Variants in TM2D3 observed in about 807,000 individuals in gnomAD.
TM2D3 encodes TM2 domain-containing protein 3.
Under a neutral mutation model 27.3 loss-of-function variants are expected in TM2D3, and 33 were observed. The observed-to-expected ratio is 1.21, with a 90% CI of 0.92 to 1.61. The LOEUF (loss-of-function observed/expected upper bound fraction) is 1.61, where lower values mean the gene tolerates loss of function less well. TM2D3 is among the 40% of genes most tolerant of loss of function. The pLI, the probability that TM2D3 is intolerant of heterozygous loss-of-function variation, is 0.00. For synonymous variants in TM2D3, 138 were observed against 122.2 expected (o/e 1.13, Z -0.85); for missense variants, 364 against 320.8 (o/e 1.13, Z -1.03).
chr15:101,643,676 T>C (rs1253427804), intron 5 of TM2D3, among the ~76,000 whole-genome samples: 1 of 136,606 alleles, frequency 7.3e-6, no homozygotes, highest in Non-Finnish European at 1.5e-5. Flanking sequence ...TTGTTGAAAG[T>C]ATGTTACAGT....
downstream of TM2D3, among the ~76,000 whole-genome samples, chr15:101,641,303 T>C (rs1484123763): frequency 3.8e-5 from 5 of 131,062 alleles, no homozygotes; most frequent in Admixed American, 1.5e-4. Context: ...AGTTTTTTTT[T>C]CTGTTTCTGG....
intron 3 of TM2D3, among the ~76,000 whole-genome samples, chr15:101,647,223 G>A (rs1016617072): frequency 2.6e-5 from 4 of 152,068 alleles, no homozygotes; most frequent in East Asian, 1.9e-4. Context: ...CATAGTAAAC[G>A]TATACTTTTA....
chr15:101,642,911 C>T (rs1207271854), intron 5 of TM2D3, among the ~76,000 whole-genome samples: 2 of 152,088 alleles, frequency 1.3e-5, no homozygotes, highest in South Asian at 2.1e-4. Flanking sequence ...AATCTCATTG[C>T]TTTTTAGTCA....
chr15:101,646,856 G>C lies in TM2D3; in HGVS notation c.371C>G (p.Thr124Ser), dbSNP rs746693865. ...KSQKNFIINM[T>S]CRFCWQLPET... ...AGGAAGCTGCCAGCAAAATCTGCAA[G>C]TCATGTTAATGATGAAGTTCTTTTG... Residue 124 changes from threonine (T) to serine (S), a missense_variant, in exon 4 of 6, where the codon ACT (threonine) becomes AGT (serine). Coordinates refer to ENST00000333202, the MANE Select transcript of TM2D3 (RefSeq NM_078474.3). 3.1e-6 allele frequency: 5 copies of C among 1,614,046 alleles called. No homozygotes were observed. The Admixed American group carries it at 8.3e-5, about 27-fold the overall frequency.
At chr15:101,643,599 TAAA>T (rs1158728522) in intron 5 of TM2D3, among the ~76,000 whole-genome samples, 1 of 47,342 alleles carries the variant, frequency 2.1e-5, no homozygotes, top group Non-Finnish European at 3.9e-5. Flanking sequence ...GAGACTCCGT[TAAA>T]AAAAAAAAAA....
chr15:101,643,536 A>C (rs1596263278), intron 5 of TM2D3, among the ~76,000 whole-genome samples: 1 of 135,552 alleles, frequency 7.4e-6, no homozygotes, highest in Middle Eastern at 3.9e-3. Flanking sequence ...TGGGAGGTGG[A>C]GCTTGCAGTA....
rs559166003 is a variant in TM2D3, at chr15:101,651,591, A to G, written c.169+105T>C. 3.5e-6 allele frequency: 4 copies of G among 1,156,192 alleles called. No individual in the cohort carries two copies. In the East Asian group the frequency reaches 9.4e-5, roughly 27 times the overall value. 71.6% of individuals were successfully genotyped at this position (1,156,192 alleles called of 1,614,324 possible). Reference sequence around the variant, plus strand: ...ATAATCTAAAATACAATAAATATTCAAAAATGGAAAGTGACTTCGTATACT... The same window carrying G: ...ATAATCTAAAATACAATAAATATTCGAAAATGGAAAGTGACTTCGTATACT... On this transcript the variant is annotated intron_variant, in intron 2 of 5. Transcript: ENST00000333202.
In TM2D3 at chr15:101,652,299, G is replaced by A. The variant is rs1127963; in HGVS notation, c.63C>T (p.Leu21=). ...LRALCRVLLF[L]SQFCILSGGE... is the part of the protein sequence containing the mutation. ...CGCCCGACAGAATGCAGAACTGCGAGAGGAAGAGCAGCACGCGACACAAGG... is the reference window on the plus strand; with the variant it reads ...CGCCCGACAGAATGCAGAACTGCGAAAGGAAGAGCAGCACGCGACACAAGG... The change falls in exon 1 of 6, where the codon CTC becomes CTT. Residue 21 remains leucine (L), a synonymous_variant. Coordinates refer to ENST00000333202, the MANE Select transcript of TM2D3 (RefSeq NM_078474.3). 93,616 of 1,603,976 alleles carry A rather than the reference G, an allele frequency of 0.058. 3,242 individuals carry two copies. Among genetic ancestry groups the A allele is most frequent in the Middle Eastern group, 0.071 (425 of 6,028 alleles).
chr15:101,637,787 G>A (rs1159015273), downstream of TM2D3, among the ~76,000 whole-genome samples: 1 of 152,126 alleles, frequency 6.6e-6, no homozygotes, highest in Admixed American at 6.5e-5. Flanking sequence ...GCGCAGGCAG[G>A]TTAAGAATGC....
chr15:101,642,957 CT>C (rs2141361736), intron 5 of TM2D3, among the ~76,000 whole-genome samples: 1 of 152,224 alleles, frequency 6.6e-6, no homozygotes, highest in East Asian at 1.9e-4. Context: ...AGGAAGTGCA[CT>C]AACACGGGGT....
intron 5 of TM2D3, among the ~76,000 whole-genome samples, chr15:101,643,645 T>C (rs1196488279): frequency 4.2e-5 from 6 of 143,240 alleles, no homozygotes; most frequent in Non-Finnish European, 9.1e-5. Context: ...AAAAACCATG[T>C]TGAGTGCTGA....
At chr15:101,651,828 C>G (rs1206547146) in intron 1 of TM2D3, 55 bp from the exon 2 acceptor site, 1 of 1,595,426 alleles carries the variant, frequency 6.3e-7, no homozygotes, top group Non-Finnish European at 8.6e-7. Flanking sequence ...ACAAGAAAAC[C>G]TTATTTTGTG....
intron 5 of TM2D3, among the ~76,000 whole-genome samples, chr15:101,643,155 C>T (rs900976507): frequency 1.1e-4 from 17 of 152,004 alleles, no homozygotes; most frequent in African/African-American, 3.9e-4. Flanking sequence ...AATTTCTAAA[C>T]ACCTAACAAT....
At chr15:101,651,486 A>C (rs1896966072) in intron 2 of TM2D3, 3 of 485,412 alleles carry the variant, frequency 6.2e-6, no homozygotes, top group Non-Finnish European at 1.1e-5. Context: ...GATTGGAAAA[A>C]GAGAGGAGGC....
rs1896978888 is a variant in TM2D3, at chr15:101,651,770, T to C, written c.95A>G (p.Gln32Arg). The C allele has an allele frequency of 1.2e-6, 2 of 1,613,842 alleles. No homozygotes were observed. Among genetic ancestry groups the C allele is most frequent in the South Asian group, 2.2e-5 (2 of 91,090 alleles). ...SQFCILSGGE[Q>R]SQALAQSIKD... ...TATTGACTGAGCCAGCGCCTGCGAT[T>C]GCTCTAAATTTAAGGATCGTACAAT... The change falls in exon 2 of 6, where the codon CAA becomes CGA. Residue 32 changes from glutamine to arginine, a missense_variant. Coordinates refer to ENST00000333202, the MANE Select transcript of TM2D3 (RefSeq NM_078474.3).
intron 4 of TM2D3, chr15:101,646,247 T>A (rs751344977): frequency 1.3e-5 from 2 of 157,320 alleles, no homozygotes; most frequent in African/African-American, 2.4e-5. Flanking sequence ...GCACACAGCC[T>A]GAAATCATTT....
intron 5 of TM2D3, 64 bp downstream of exon 5, chr15:101,645,023 G>A: frequency 1.4e-6 from 2 of 1,416,956 alleles, no homozygotes; most frequent in Non-Finnish European, 2.0e-6. Flanking sequence ...CTCAATGTCT[G>A]AAGATTCCAC....
chr15:101,646,990 C>G, intron 3 of TM2D3, 91 bp from the exon 4 acceptor site: 3 of 1,419,876 alleles, frequency 2.1e-6, no homozygotes, highest in Non-Finnish European at 2.9e-6. Flanking sequence ...GCACAAAATT[C>G]CGTAAATGCT....
Position 101,645,297 on chromosome 15 carries a change from G to A in TM2D3, c.503-135C>T, listed in dbSNP as rs1896776512. ...ACGGTAATACATGTTGAAGTGAAGA[G>A]TACAAAGCGCTTACCATCTATCTAC... On this transcript the variant is annotated intron_variant, in intron 4 of 5. Coordinates refer to ENST00000333202, the MANE Select transcript of TM2D3 (RefSeq NM_078474.3). 7.1e-6 allele frequency: 5 copies of A among 706,796 alleles called. No individual in the cohort carries two copies. In the East Asian group the frequency reaches 8.1e-5, roughly 11 times the overall value. 43.8% of individuals were successfully genotyped at this position (706,796 alleles called of 1,614,324 possible). A position where few individuals can be genotyped will look rare whatever the true frequency, so the allele number is the denominator to read the frequency against.
Sources: gnomAD v4.1 joint callset for allele counts (sites outside exome capture counted in the v4.1 genomes callset) on GRCh38, gnomAD v4.1.1 for gene constraint, MANE v1.5 for transcripts, NCBI Gene and HGNC (gene_info 2026-07-23, HGNC 2026-07-21) for gene names.